THSD4: variants seen among roughly 807,000 people sequenced by gnomAD.
THSD4 encodes the protein thrombospondin type 1 domain containing 4, also known as thrombospondin type-1 domain-containing protein 4.
THSD4 carries 69 observed loss-of-function variants against 119.0 expected under a neutral mutation model. The observed-to-expected ratio is 0.58, with a 90% CI of 0.48 to 0.71. THSD4 has a LOEUF of 0.71. Ranked by LOEUF, THSD4 falls within the 30% of genes least tolerant of loss-of-function variation. THSD4 has a pLI of 0.00. For synonymous variants in THSD4, 524 were observed against 540.4 expected (o/e 0.97, Z 0.42); for missense variants, 1,393 against 1,391.1 (o/e 1.00, Z -0.02).
rs58433075 is a variant in THSD4 at position 71,395,914 on chromosome 15, GACAC to G, written c.1016-15737_1016-15734del. On this transcript the variant is annotated intron_variant, in intron 6 of 17. Transcript: ENST00000261862. ...TCTGCTTCTCAGTGTTTTGAAGAGA[GACAC>G]ACACACACACACACACACACACACA... Among the ~76,000 whole-genome samples the G allele has an allele frequency of 6.9e-3, 917 of 133,364 alleles. 9 individuals are homozygous for G. Among genetic ancestry groups the G allele is most frequent in the African/African-American group, 0.024 (833 of 34,664 alleles). 87.5% of individuals were successfully genotyped at this position (133,364 alleles called of 152,430 possible). A position where few individuals can be genotyped will look rare whatever the true frequency, so the allele number is the denominator to read the frequency against.
chr15:71,556,904 TTTTTCC>T (rs2049027478), intron 7 of THSD4, among the ~76,000 whole-genome samples: 1 of 152,180 alleles, frequency 6.6e-6, no homozygotes, highest in Admixed American at 6.5e-5. Flanking sequence ...CATTTTGGCT[TTTTTCC>T]TTTTCCAAAT....
At chr15:71,442,107 C>T (rs944549942) in intron 7 of THSD4, among the ~76,000 whole-genome samples, 7 of 152,058 alleles carry the variant, frequency 4.6e-5, no homozygotes, top group African/African-American at 1.7e-4. Context: ...TACAGGCATG[C>T]ACCACCATAC....
chr15:71,623,222 A>G (rs550751547), intron 7 of THSD4, among the ~76,000 whole-genome samples: 19 of 152,368 alleles, frequency 1.2e-4, no homozygotes, highest in Middle Eastern at 3.4e-3. Flanking sequence ...GTGATGATTA[A>G]GACAATAACT....
intron 7 of THSD4, among the ~76,000 whole-genome samples, chr15:71,591,475 C>T (rs1237574584): frequency 1.3e-5 from 2 of 152,248 alleles, no homozygotes; most frequent in Non-Finnish European, 2.9e-5. Flanking sequence ...TACCGATCCT[C>T]TTGGCTGACT....
chr15:71,374,890 C>T (rs149367694), intron 6 of THSD4, among the ~76,000 whole-genome samples: 7 of 152,134 alleles, frequency 4.6e-5, no homozygotes, highest in Admixed American at 2.0e-4. Flanking sequence ...CATGCACAGA[C>T]GTGCTGCTTG....
At chr15:71,736,787 G>C (rs1323013412) in intron 10 of THSD4, among the ~76,000 whole-genome samples, 2 of 152,238 alleles carry the variant, frequency 1.3e-5, no homozygotes, top group Non-Finnish European at 2.9e-5. Context: ...ACTCTTGGAA[G>C]GGAAAGCTGT....
chr15:71,608,206 G>T (rs2050147345), intron 7 of THSD4, among the ~76,000 whole-genome samples: 1 of 124,638 alleles, frequency 8.0e-6, no homozygotes, highest in South Asian at 2.8e-4. Context: ...CTGGGGGACA[G>T]AGCAAAACTC....
intron 8 of THSD4, among the ~76,000 whole-genome samples, chr15:71,724,640 T>G (rs957102622): frequency 1.3e-5 from 2 of 152,114 alleles, no homozygotes; most frequent in Non-Finnish European, 2.9e-5. Context: ...TCGTTGGTAA[T>G]CTAATCTACA....
intron 7 of THSD4, among the ~76,000 whole-genome samples, chr15:71,634,495 G>A (rs953428504): frequency 6.6e-6 from 1 of 152,322 alleles, no homozygotes; most frequent in Non-Finnish European, 1.5e-5. Context: ...GCACATCTGC[G>A]TCCCAATGCC....
At chr15:71,666,894 C>T (rs2051427883) in intron 8 of THSD4, among the ~76,000 whole-genome samples, 1 of 152,214 alleles carries the variant, frequency 6.6e-6, no homozygotes, top group East Asian at 1.9e-4. Context: ...CTGGCCCCTT[C>T]CCAGCCATAA....
intron 9 of THSD4, chr15:71,730,418 T>C (rs1046442352): frequency 1.3e-5 from 2 of 152,256 alleles, no homozygotes; most frequent in Non-Finnish European, 2.9e-5. Flanking sequence ...GGGAGGGACG[T>C]ATTCTGTTGG....
At chr15:71,196,385 G>C (rs556884356) in intron 3 of THSD4, among the ~76,000 whole-genome samples, 16 of 152,234 alleles carry the variant, frequency 1.1e-4, no homozygotes, top group South Asian at 4.1e-4. Context: ...GGCTATAGTA[G>C]GTAAAGTTTT....
chr15:71,303,330 G>A (rs1029957877), intron 6 of THSD4, among the ~76,000 whole-genome samples: 5 of 152,198 alleles, frequency 3.3e-5, no homozygotes, highest in Non-Finnish European at 5.9e-5. Context: ...GGTCAGGAGG[G>A]GGGCAGTCAG....
intron 7 of THSD4, among the ~76,000 whole-genome samples, chr15:71,565,554 G>A (rs2140889086): frequency 6.6e-6 from 1 of 152,344 alleles, no homozygotes; most frequent in South Asian, 2.1e-4. Flanking sequence ...ATTGCATGGA[G>A]TACAGTGCAC....
At chr15:71,304,131 G>C (rs1197917736) in intron 6 of THSD4, among the ~76,000 whole-genome samples, 1 of 152,202 alleles carries the variant, frequency 6.6e-6, no homozygotes, top group East Asian at 1.9e-4. Flanking sequence ...GATACCACCA[G>C]GAGGTGAGCT....
At position 71,720,022 on chromosome 15, in the gene THSD4, CTT is replaced by C. The variant is rs750020826; in HGVS notation, c.1358-8515_1358-8514del. On this transcript the variant is annotated intron_variant, in intron 8 of 17. Coordinates refer to ENST00000261862, the MANE Select transcript of THSD4 (RefSeq NM_024817.3). ...CAAATTTGCTGTGTAATAACATGTGCTTTTTTTTTTTTTCTTTTTTTTTTTTT... is the reference window on the plus strand; with the variant it reads ...CAAATTTGCTGTGTAATAACATGTGCTTTTTTTTTTTCTTTTTTTTTTTTT... 5.2e-3 allele frequency among the ~76,000 whole-genome samples: 595 copies of C among 114,446 alleles called. 55 individuals carry two copies. The highest frequency in any genetic ancestry group is 8.9e-3 in the East Asian group (34 of 3,800). The allele number at this position is 114,446 out of a possible 152,430, so 75.1% of individuals were successfully genotyped here. A position where few individuals can be genotyped will look rare whatever the true frequency, so the allele number is the denominator to read the frequency against.
chr15:71,765,643 C>CT (rs775850457), intron 16 of THSD4, among the ~76,000 whole-genome samples: 1 of 152,214 alleles, frequency 6.6e-6, no homozygotes, highest in East Asian at 1.9e-4. Flanking sequence ...TGGTTGACAC[C>CT]TGTAATCCCA....
At chr15:71,734,120 T>G (rs1289379469) in intron 10 of THSD4, among the ~76,000 whole-genome samples, 5 of 152,098 alleles carry the variant, frequency 3.3e-5, no homozygotes, top group Non-Finnish European at 7.4e-5. Flanking sequence ...CCTTGTAGTT[T>G]TAACTGTGTT....
chr15:71,466,296 G>A (rs1173567670), intron 7 of THSD4, among the ~76,000 whole-genome samples: 1 of 150,856 alleles, frequency 6.6e-6, no homozygotes, highest in South Asian at 2.1e-4. Context: ...AGTGAGCTGA[G>A]ATTGCACCAC....
Sources: gnomAD v4.1 joint callset for allele counts (sites outside exome capture counted in the v4.1 genomes callset) on GRCh38, gnomAD v4.1.1 for gene constraint, MANE v1.5 for transcripts, NCBI Gene and HGNC (gene_info 2026-07-23, HGNC 2026-07-21) for gene names.